Variants in SNX24 observed in about 807,000 individuals in gnomAD.
SNX24 encodes sorting nexin-24.
In SNX24, 22 loss-of-function variants were observed where a neutral mutation model predicts 28.7. The ratio of observed to expected loss-of-function variants is 0.77; its 90% CI spans 0.55 to 1.10. SNX24 has a LOEUF of 1.10. Ranked by LOEUF, SNX24 falls within the 50% of genes least tolerant of loss-of-function variation. The pLI, the probability that SNX24 is intolerant of heterozygous loss-of-function variation, is 0.00. For synonymous variants in SNX24, 69 were observed against 71.5 expected (o/e 0.96, Z 0.18); for missense variants, 221 against 201.1 (o/e 1.10, Z -0.60).
At chr5:122,911,167 G>T (rs1406355292) in intron 1 of SNX24, among the ~76,000 whole-genome samples, 3 of 152,186 alleles carry the variant, frequency 2.0e-5, no homozygotes, top group Admixed American at 1.3e-4. Context: ...CATTCTAACT[G>T]GAGTGAGATG....
In SNX24 at chr5:123,002,243, G is replaced by T; in HGVS notation, c.442+239G>T. ...TATTTTGAATTAGAGTAATAAGGAA[G>T]AATGGTATTTATGGTCCTTAATTTT... On this transcript the variant is annotated intron_variant, in intron 6 of 6. Coordinates refer to ENST00000261369, the MANE Select transcript of SNX24 (RefSeq NM_014035.4). The T allele has an allele frequency of 5.5e-6, 3 of 548,108 alleles. No homozygotes were observed. The South Asian group carries it at 8.3e-5, about 15-fold the overall frequency. The allele number at this position is 548,108 out of a possible 1,614,324, so 34.0% of individuals were successfully genotyped here. A position where few individuals can be genotyped will look rare whatever the true frequency, so the allele number is the denominator to read the frequency against.
At chr5:122,996,867 G>T (rs1052320515) in intron 3 of SNX24, among the ~76,000 whole-genome samples, 41 of 152,280 alleles carry the variant, frequency 2.7e-4, no homozygotes, top group African/African-American at 9.4e-4. Context: ...TAAAACTTAG[G>T]AGCTTATTGT....
At chr5:122,870,581 G>C (rs974616014) in intron 1 of SNX24, among the ~76,000 whole-genome samples, 3 of 152,180 alleles carry the variant, frequency 2.0e-5, no homozygotes, top group Non-Finnish European at 4.4e-5. Context: ...AGAGAGAAAC[G>C]GAAGTGGAGA....
At chr5:122,896,547 T>C (rs1458305253) in intron 1 of SNX24, among the ~76,000 whole-genome samples, 1 of 152,194 alleles carries the variant, frequency 6.6e-6, no homozygotes, top group Non-Finnish European at 1.5e-5. Context: ...GACCCTTTTA[T>C]TTCTATTGTT....
At chr5:122,925,545 T>C (rs911944173) in intron 1 of SNX24, among the ~76,000 whole-genome samples, 4 of 152,076 alleles carry the variant, frequency 2.6e-5, no homozygotes, top group Non-Finnish European at 5.9e-5. Context: ...ATTAGAGATG[T>C]GAGCCACTGT....
intron 2 of SNX24, among the ~76,000 whole-genome samples, chr5:122,943,852 C>G (rs902498193): frequency 4.6e-5 from 7 of 152,188 alleles, no homozygotes; most frequent in African/African-American, 1.7e-4. Flanking sequence ...TCCCCCACAG[C>G]CCTTTTTCTC....
intron 3 of SNX24, among the ~76,000 whole-genome samples, chr5:122,958,966 G>T (rs1760343875): frequency 6.6e-6 from 1 of 152,088 alleles, no homozygotes; most frequent in African/African-American, 2.4e-5. Context: ...CTTTTTGGGG[G>T]TGTCTTTGTC....
intron 1 of SNX24, among the ~76,000 whole-genome samples, chr5:122,848,131 C>G (rs62377383): frequency 3.3e-5 from 5 of 152,246 alleles, no homozygotes; most frequent in African/African-American, 4.8e-5. Flanking sequence ...GAGCTAGGAT[C>G]TTGCTCTGTC....
chr5:122,941,135 C>G (rs2150121184), intron 2 of SNX24, among the ~76,000 whole-genome samples: 1 of 152,284 alleles, frequency 6.6e-6, no homozygotes, highest in South Asian at 2.1e-4. Context: ...TTTTCCTTGT[C>G]CTTCCCTCTC....
At chr5:122,905,040 GTTC>G (rs1412213982) in intron 1 of SNX24, among the ~76,000 whole-genome samples, 4 of 152,202 alleles carry the variant, frequency 2.6e-5, no homozygotes, top group Admixed American at 1.3e-4. Context: ...ATTCAGAAAA[GTTC>G]TTCAAGTCCT....
intron 3 of SNX24, among the ~76,000 whole-genome samples, chr5:122,953,752 A>G (rs1018177019): frequency 1.3e-5 from 2 of 152,204 alleles, no homozygotes; most frequent in Admixed American, 1.3e-4. Context: ...TACATCTTAT[A>G]TCACTTGAGA....
intron 1 of SNX24, among the ~76,000 whole-genome samples, chr5:122,906,165 G>A (rs976084502): frequency 2.6e-5 from 4 of 152,186 alleles, no homozygotes; most frequent in African/African-American, 9.6e-5. Context: ...GTACAAGGTG[G>A]TAGTATAGAG....
At chr5:122,935,035 C>T (rs1216004831) in intron 1 of SNX24, among the ~76,000 whole-genome samples, 1 of 152,106 alleles carries the variant, frequency 6.6e-6, no homozygotes, top group Non-Finnish European at 1.5e-5. Flanking sequence ...TAGAGCCTTG[C>T]CGAGTTTTCA....
At chr5:122,884,855 C>T (rs947295262) in intron 1 of SNX24, among the ~76,000 whole-genome samples, 4 of 152,090 alleles carry the variant, frequency 2.6e-5, no homozygotes, top group Admixed American at 2.6e-4. Flanking sequence ...GAATGGAGAG[C>T]TCAAGATTTA....
intron 1 of SNX24, among the ~76,000 whole-genome samples, chr5:122,928,509 T>C (rs2150109666): frequency 6.6e-6 from 1 of 152,086 alleles, no homozygotes; most frequent in African/African-American, 2.4e-5. Flanking sequence ...TAGAGAAATA[T>C]GACAAGGGAG....
intron 1 of SNX24, among the ~76,000 whole-genome samples, chr5:122,892,898 TG>T (rs1381355591): frequency 6.6e-6 from 1 of 152,024 alleles, no homozygotes; most frequent in East Asian, 1.9e-4. Context: ...CCCTAGTAGC[TG>T]GGATTACAGG....
rs767703090 is a variant in SNX24, at chr5:123,007,730, C to T, written c.491C>T (p.Pro164Leu). ...IEGVLHGIFY[P>L]HLQPR is the part of the protein sequence containing the mutation. Reference sequence around the variant, plus strand: ...GGAGTCCTCCATGGGATATTTTACCCTCATCTACAGCCCAGGTAGAAATCC... The same window carrying T: ...GGAGTCCTCCATGGGATATTTTACCTTCATCTACAGCCCAGGTAGAAATCC... Residue 164 changes from proline (P) to leucine (L), a missense_variant, in exon 7 of 7, where the codon CCT becomes CTT. Physicochemically the swap from Pro to Leu is moderately conservative, Grantham distance 98 (BLOSUM62 -3). Transcript: ENST00000261369. The T allele has an allele frequency of 3.8e-6, 6 of 1,599,740 alleles. No individual in the cohort carries two copies. The highest frequency in any genetic ancestry group is 5.1e-6 in the Non-Finnish European group (6 of 1,176,554).
At chr5:122,887,903 A>C (rs556009765) in intron 1 of SNX24, among the ~76,000 whole-genome samples, 3 of 152,146 alleles carry the variant, frequency 2.0e-5, no homozygotes, top group Non-Finnish European at 4.4e-5. Flanking sequence ...AGTTTTCACC[A>C]TGTTGGTCAG....
intron 3 of SNX24, among the ~76,000 whole-genome samples, chr5:122,951,974 C>T (rs1759963808): frequency 6.6e-6 from 1 of 152,206 alleles, no homozygotes; most frequent in Admixed American, 6.5e-5. Context: ...ACCTTGAGTG[C>T]TGGCATGACG....
Sources: gnomAD v4.1 joint callset for allele counts (sites outside exome capture counted in the v4.1 genomes callset) on GRCh38, gnomAD v4.1.1 for gene constraint, MANE v1.5 for transcripts, NCBI Gene and HGNC (gene_info 2026-07-23, HGNC 2026-07-21) for gene names.